The following CCNJL variants were observed in gnomAD, a reference collection of about 807,000 sequenced individuals.
CCNJL encodes the protein cyclin-J-like protein.
CCNJL carries 33 observed loss-of-function variants against 33.4 expected under a neutral mutation model. The ratio of observed to expected loss-of-function variants is 0.99; its 90% CI spans 0.75 to 1.32. CCNJL has a LOEUF of 1.32. Among genes scored for constraint, CCNJL ranks in the 40% most tolerant of loss-of-function variants. CCNJL has a pLI of 0.00. For missense variants in CCNJL, 512 were observed against 499.7 expected (o/e 1.02, Z -0.23); for synonymous variants, 227 against 220.9 (o/e 1.03, Z -0.24).
chr5:160,337,421 A>G (rs911611267), intron 1 of CCNJL, among the ~76,000 whole-genome samples: 1 of 152,152 alleles, frequency 6.6e-6, no homozygotes, highest in African/African-American at 2.4e-5. Flanking sequence ...AATTGAAACC[A>G]GACTTCATCG....
chr5:160,270,260 A>G (rs1489160588), intron 3 of CCNJL, among the ~76,000 whole-genome samples: 1 of 152,168 alleles, frequency 6.6e-6, no homozygotes, highest in Non-Finnish European at 1.5e-5. Flanking sequence ...CCTGACCAAT[A>G]TGGTGAAACC....
intron 1 of CCNJL, among the ~76,000 whole-genome samples, chr5:160,332,355 C>T (rs1391861036): frequency 6.6e-6 from 1 of 152,196 alleles, no homozygotes; most frequent in African/African-American, 2.4e-5. Context: ...CCTAACCAGT[C>T]GCCTTACATC....
At chr5:160,276,571 G>A (rs1415886191) in intron 3 of CCNJL, among the ~76,000 whole-genome samples, 2 of 152,052 alleles carry the variant, frequency 1.3e-5, no homozygotes, top group South Asian at 2.1e-4. Context: ...CAGAATAGAC[G>A]AATCCATACA....
At chr5:160,278,607 CCT>C (rs1402025503) in intron 3 of CCNJL, among the ~76,000 whole-genome samples, 22 of 152,176 alleles carry the variant, frequency 1.4e-4, no homozygotes, top group Admixed American at 1.4e-3. Context: ...GGGGCGTCTG[CCT>C]CTCTGTCTGA....
intron 2 of CCNJL, among the ~76,000 whole-genome samples, chr5:160,303,988 A>G (rs1037089583): frequency 1.3e-5 from 2 of 152,164 alleles, no homozygotes; most frequent in Non-Finnish European, 2.9e-5. Flanking sequence ...TCCCTTGCCC[A>G]TCTCATGATG....
intron 3 of CCNJL, among the ~76,000 whole-genome samples, chr5:160,261,816 G>T (rs1761349163): frequency 6.6e-6 from 1 of 152,164 alleles, no homozygotes; most frequent in African/African-American, 2.4e-5. Flanking sequence ...TAATATGAAT[G>T]GCTGGCATCT....
At chr5:160,272,821 A>G (rs184605299) in intron 3 of CCNJL, among the ~76,000 whole-genome samples, 50 of 152,342 alleles carry the variant, frequency 3.3e-4, no homozygotes, top group African/African-American at 1.2e-3. Context: ...TGACCAAAAC[A>G]ATTCCACCTC....
intron 2 of CCNJL, among the ~76,000 whole-genome samples, chr5:160,302,020 G>A (rs980945165): frequency 2.6e-5 from 4 of 152,134 alleles, no homozygotes; most frequent in African/African-American, 7.2e-5. Flanking sequence ...ATGAGCCACC[G>A]TGCCTGGCCT....
rs573072653 is a variant in CCNJL at position 160,297,642 on chromosome 5, C to T, written c.66+14216G>A. Among the ~76,000 whole-genome samples the T allele has an allele frequency of 2.1e-3, 276 of 131,962 alleles. 3 individuals are homozygous for T. The highest frequency in any genetic ancestry group is 7.9e-3 in the African/African-American group (260 of 32,894). 86.6% of individuals were successfully genotyped at this position (131,962 alleles called of 152,430 possible). ...CCAACCTGGCAACACAGTGAGATCTCGTCTCTATTTACAAAAAAAAAAAAA... is the reference window on the plus strand; with the variant it reads ...CCAACCTGGCAACACAGTGAGATCTTGTCTCTATTTACAAAAAAAAAAAAA... On this transcript the variant is annotated intron_variant, in intron 2 of 5. Coordinates refer to ENST00000257536, the MANE Select transcript of CCNJL (RefSeq NM_001308173.3).
Position 160,253,648 on chromosome 5 carries a change from G to C in CCNJL, c.894C>G (p.Phe298Leu). The C allele has an allele frequency of 6.2e-7, 1 of 1,612,366 alleles. No individual in the cohort carries two copies. Among genetic ancestry groups the C allele is most frequent in the Non-Finnish European group, 8.5e-7 (1 of 1,178,966 alleles). The change falls in exon 6 of 6, where the codon TTC becomes TTG. Residue 298 changes from phenylalanine to leucine, a missense_variant. By Grantham distance (22) the Phe-to-Leu change is conservative. Coordinates refer to ENST00000257536, the MANE Select transcript of CCNJL (RefSeq NM_001308173.3). The part of the protein sequence containing the change: ...LGQPATTLAQ[F>L]QTPVQDLCLA... ...AGCATAGGTCCTGCACGGGGGTCTG[G>C]AACTGTGCCAGGGTGGTCGCTGGCT...
chr5:160,259,795 G>T, intron 3 of CCNJL, 24 bp from the exon 4 acceptor site: 2 of 1,577,870 alleles, frequency 1.3e-6, no homozygotes, highest in Non-Finnish European at 1.7e-6. Context: ...GGGGAAGCAG[G>T]GGTTACTGGA....
At chr5:160,306,412 A>AC (rs1481281093) in intron 2 of CCNJL, among the ~76,000 whole-genome samples, 1 of 151,966 alleles carries the variant, frequency 6.6e-6, no homozygotes, top group Non-Finnish European at 1.5e-5. Flanking sequence ...GGATGAGAAG[A>AC]CCCCTAAGGT....
At chr5:160,313,166 C>A (rs1414611203), upstream of CCNJL, among the ~76,000 whole-genome samples, 1 of 151,978 alleles carries the variant, frequency 6.6e-6, no homozygotes, top group Non-Finnish European at 1.5e-5. Context: ...CTTTTTTTGC[C>A]GGGTCCGGTG....
At chr5:160,322,787 T>A (rs1400649152) in intron 1 of CCNJL, among the ~76,000 whole-genome samples, 2 of 150,966 alleles carry the variant, frequency 1.3e-5, no homozygotes, top group South Asian at 4.2e-4. Context: ...AGCGCACCTG[T>A]AGTCCCAGCT....
In CCNJL at chr5:160,319,696, T is replaced by A. The variant is rs115620921; in HGVS notation, n.207-4191A>T. Among the ~76,000 whole-genome samples the A allele has an allele frequency of 6.3e-3, 959 of 152,304 alleles. 12 individuals carry two copies. Among genetic ancestry groups the A allele is most frequent in the African/African-American group, 0.022 (913 of 41,568 alleles). ...CTGGAATCCCAGTACGTTGGGAGGC[T>A]GAGGTGGGAGGATCACCTGAGTCCA... On this transcript the variant is annotated intron_variant and non_coding_transcript_variant, in intron 1 of 7. Coordinates refer to the CCNJL transcript ENST00000377503.
At chr5:160,316,795 A>T (rs374916566), upstream of CCNJL, among the ~76,000 whole-genome samples, 3 of 152,336 alleles carry the variant, frequency 2.0e-5, no homozygotes, top group East Asian at 1.9e-4. Flanking sequence ...CCGTAGTTCC[A>T]TAGTATGGAT....
intron 1 of CCNJL, among the ~76,000 whole-genome samples, chr5:160,329,743 G>T (rs1468266904): frequency 6.6e-6 from 1 of 152,110 alleles, no homozygotes; most frequent in African/African-American, 2.4e-5. Context: ...TGCCTATAAA[G>T]CCCACCACCT....
Position 160,259,475 on chromosome 5 carries a change from G to C in CCNJL, c.577C>G (p.Leu193Val). The C allele has an allele frequency of 6.2e-7, 1 of 1,610,096 alleles. No homozygotes were observed. The highest frequency in any genetic ancestry group is 8.5e-7 in the Non-Finnish European group (1 of 1,177,398). The change falls in exon 4 of 6, where the codon CTG (leucine) becomes GTG (valine). Residue 193 changes from leucine (L) to valine (V), a missense_variant. By Grantham distance (32) the Leu-to-Val change is conservative. Transcript: ENST00000257536. Reference protein sequence around the residue: ...EYAHYFLEVTLQDHIFYKFQP... With the variant: ...EYAHYFLEVTVQDHIFYKFQP... ...ATCGGGTCCCAGCTGTCACCTTGCA[G>C]GGTGACCTCTAGGAAGTAATGGGCA...
At position 160,291,495 on chromosome 5, in the gene CCNJL, C is replaced by T. The variant is rs377215549; in HGVS notation, c.67-10757G>A. Among the ~76,000 whole-genome samples the T allele has an allele frequency of 5.9e-5, 9 of 152,314 alleles. No homozygotes were observed. The South Asian group carries it at 1.2e-3, about 21-fold the overall frequency. ...AGGCTGAATTTATCCACAGGACACT[C>T]CTCCTGCCCTCCTCCCTCTTTGGGG... On this transcript the variant is annotated intron_variant, in intron 2 of 5. Coordinates refer to ENST00000257536, the MANE Select transcript of CCNJL (RefSeq NM_001308173.3).
Sources: gnomAD v4.1 joint callset for allele counts (sites outside exome capture counted in the v4.1 genomes callset) on GRCh38, gnomAD v4.1.1 for gene constraint, MANE v1.5 for transcripts, NCBI Gene and HGNC (gene_info 2026-07-23, HGNC 2026-07-21) for gene names.